The following NOS1 variants were observed in gnomAD, a reference collection of about 807,000 sequenced individuals.
The protein encoded by NOS1 is NOS type I.
A neutral mutation model predicts 164.5 loss-of-function variants in NOS1; 51 were observed. The observed-to-expected ratio is 0.31, with a 90% CI of 0.25 to 0.39. The LOEUF (loss-of-function observed/expected upper bound fraction) is 0.39. NOS1 is among the 10% of genes least tolerant of loss of function. The pLI is 1.00. For missense variants in NOS1, 1,362 were observed against 1,885.6 expected, an observed-to-expected ratio of 0.72 and a Z score of 5.14; for synonymous variants, 719 against 745.8, an observed-to-expected ratio of 0.96 and a Z score of 0.59.
chr12:117,301,386 C>A (rs1441149386), intron 3 of NOS1, among the ~76,000 whole-genome samples: 1 of 152,168 alleles, frequency 6.6e-6, no homozygotes, highest in Admixed American at 6.5e-5. Context: ...GCCTCTGCCT[C>A]CCAAAGTGCT....
intron 1 of NOS1, among the ~76,000 whole-genome samples, chr12:117,344,274 G>A (rs1876243643): frequency 6.6e-6 from 1 of 152,168 alleles, no homozygotes; most frequent in Admixed American, 6.5e-5. Context: ...TTAGCACCTA[G>A]TAAGCATGAA....
At chr12:117,310,449 A>C (rs1414957089) in intron 3 of NOS1, among the ~76,000 whole-genome samples, 1 of 152,234 alleles carries the variant, frequency 6.6e-6, no homozygotes, top group African/African-American at 2.4e-5. Flanking sequence ...AAAAAGCAAG[A>C]TATAAAACAA....
chr12:117,325,383 C>T (rs1450669877), intron 2 of NOS1, among the ~76,000 whole-genome samples: 2 of 152,058 alleles, frequency 1.3e-5, no homozygotes, highest in Non-Finnish European at 2.9e-5. Context: ...TTATTTCAGC[C>T]CCTAGGAGGC....
rs187888090 is a variant in NOS1 at position 117,213,735 on chromosome 12, A to T, written c.*1574T>A. ...AAGACACAACAAACAGGGTAGAACCAGCAGAACATTCCCTTTCCATCCTTG... is the reference window on the plus strand; with the variant it reads ...AAGACACAACAAACAGGGTAGAACCTGCAGAACATTCCCTTTCCATCCTTG... On this transcript the variant is annotated 3_prime_UTR_variant, in exon 29 of 29. Transcript: ENST00000317775. 1.0e-6 allele frequency: 1 copy of T among 985,474 alleles called. No homozygotes were observed. Among genetic ancestry groups the T allele is most frequent in the Admixed American group, 6.1e-5 (1 of 16,288 alleles). The allele number at this position is 985,474 out of a possible 1,614,324, so 61.0% of individuals were successfully genotyped here. A position where few individuals can be genotyped will look rare whatever the true frequency, so the allele number is the denominator to read the frequency against.
rs141290639 is a variant in NOS1, at chr12:117,347,727, C to T, written c.-421+13785G>A. 6.0e-3 allele frequency among the ~76,000 whole-genome samples: 918 copies of T among 152,290 alleles called. 8 individuals carry two copies. Among genetic ancestry groups the T allele is most frequent in the African/African-American group, 0.021 (868 of 41,566 alleles). On this transcript the variant is annotated intron_variant, in intron 1 of 28. Coordinates refer to ENST00000317775, the MANE Select transcript of NOS1 (RefSeq NM_000620.5). ...CACCTCCGCATGAGATCACAGCATC[C>T]ACCCCAGCTTGTGCCCTGGGGCTGA...
At chr12:117,286,353 G>A in intron 5 of NOS1, 87 bp from the exon 6 acceptor site, 1 of 1,424,014 alleles carries the variant, frequency 7.0e-7, no homozygotes. Flanking sequence ...CAAGAGGCTG[G>A]AAGCTACAAA....
chr12:117,269,464 G>GTTTTT lies in NOS1; in HGVS notation c.1840-1325_1840-1321dup, dbSNP rs1164630635. Among the ~76,000 whole-genome samples the GTTTTT allele has an allele frequency of 2.4e-4, 28 of 118,374 alleles. 1 individual carries two copies. The highest frequency in any genetic ancestry group is 3.3e-4 in the African/African-American group (9 of 27,434). 77.7% of individuals were successfully genotyped at this position (118,374 alleles called of 152,430 possible). On this transcript the variant is annotated intron_variant, in intron 10 of 28. Coordinates refer to ENST00000317775, the MANE Select transcript of NOS1 (RefSeq NM_000620.5). ...CAGGGGGCAGGATCTCTGGAGATTT[G>GTTTTT]TTTTTTTTTTTTTTTTTTTTTTAGA...
Position 117,208,414 on chromosome 12 carries a change from G to A in NOS1, c.*6895C>T. On this transcript the variant is annotated 3_prime_UTR_variant, in exon 29 of 29. Transcript: ENST00000317775. The stretch of plus-strand genomic sequence containing the variant: ...AGCGTGTGTGTGTGTGTGTGTGTGT[G>A]TGTGTGTGGTGAGATGCGACCAGGT... The A allele has an allele frequency of 7.8e-7, 1 of 1,286,662 alleles. No individual in the cohort carries two copies. The highest frequency in any genetic ancestry group is 1.0e-6 in the Non-Finnish European group (1 of 988,338). The allele number at this position is 1,286,662 out of a possible 1,614,324, so 79.7% of individuals were successfully genotyped here.
chr12:117,283,817 C>G (rs1221367534), intron 7 of NOS1, among the ~76,000 whole-genome samples: 1 of 126,282 alleles, frequency 7.9e-6, no homozygotes, highest in African/African-American at 3.0e-5. Flanking sequence ...GATTGTGCCA[C>G]TGTACTTCAA....
intron 2 of NOS1, among the ~76,000 whole-genome samples, chr12:117,325,202 C>T (rs2136069141): frequency 6.6e-6 from 1 of 152,290 alleles, no homozygotes; most frequent in South Asian, 2.1e-4. Flanking sequence ...CCCACCCCGA[C>T]ATGCAGCCTG....
chr12:117,283,855 CAAAAAAA>C lies in NOS1; in HGVS notation c.1382+1379_1382+1385del, dbSNP rs61448842. ...TGGGTAACAGAGCAAGACTCTGTCT[CAAAAAAA>C]AAAAAAAAAAAAAAAAGGAAATCCA... On this transcript the variant is annotated intron_variant, in intron 7 of 28. Coordinates refer to ENST00000317775, the MANE Select transcript of NOS1 (RefSeq NM_000620.5). Among the ~76,000 whole-genome samples, 9 of 63,714 alleles carry C rather than the reference CAAAAAAA, an allele frequency of 1.4e-4. 1 individual carries two copies. Among genetic ancestry groups the C allele is most frequent in the Middle Eastern group, 9.3e-3 (1 of 108 alleles). The allele number at this position is 63,714 out of a possible 152,430, so 41.8% of individuals were successfully genotyped here. A position where few individuals can be genotyped will look rare whatever the true frequency, so the allele number is the denominator to read the frequency against.
chr12:117,245,398 T>C (rs1360769915), intron 18 of NOS1, among the ~76,000 whole-genome samples: 1 of 152,152 alleles, frequency 6.6e-6, no homozygotes, highest in East Asian at 1.9e-4. Flanking sequence ...GCCAATAGGA[T>C]GTCTTATCAT....
Position 117,214,647 on chromosome 12 carries a change from A to G in NOS1, c.*662T>C. ...TCTCCCCATGCCCTGAACCCTTTCT[A>G]ACTAGAACAATTATGGGGCTTCCAA... On this transcript the variant is annotated 3_prime_UTR_variant, in exon 29 of 29. Transcript: ENST00000317775. The G allele has an allele frequency of 1.0e-6, 1 of 985,368 alleles. No homozygotes were observed. Among genetic ancestry groups the G allele is most frequent in the Non-Finnish European group, 1.2e-6 (1 of 829,930 alleles). 61.0% of individuals were successfully genotyped at this position (985,368 alleles called of 1,614,324 possible).
rs552073655 is a variant in NOS1, at chr12:117,209,911, G to A, written c.*5398C>T. ...GGGAACATCTATGTTGACTCCCTGGGAGGCAGGCCCCTTCCCTCAGACCCT... is the reference window on the plus strand; with the variant it reads ...GGGAACATCTATGTTGACTCCCTGGAAGGCAGGCCCCTTCCCTCAGACCCT... On this transcript the variant is annotated 3_prime_UTR_variant, in exon 29 of 29. Coordinates refer to ENST00000317775, the MANE Select transcript of NOS1 (RefSeq NM_000620.5). 4.9e-4 allele frequency: 486 copies of A among 985,406 alleles called. No homozygotes were observed. The highest frequency in any genetic ancestry group is 5.2e-4 in the Non-Finnish European group (433 of 829,998). The allele number at this position is 985,406 out of a possible 1,614,324, so 61.0% of individuals were successfully genotyped here.
intron 3 of NOS1, among the ~76,000 whole-genome samples, chr12:117,307,389 C>T (rs751855758): frequency 3.9e-5 from 6 of 152,074 alleles, no homozygotes; most frequent in African/African-American, 9.7e-5. Context: ...GAGACAGGTT[C>T]TTGCTCTGTC....
chr12:117,290,159 A>C (rs1872952297), intron 4 of NOS1, 139 bp downstream of exon 4: 2 of 973,804 alleles, frequency 2.1e-6, no homozygotes, highest in South Asian at 1.8e-5. Flanking sequence ...GCGTACTGAC[A>C]TCTAGGGGGT....
chr12:117,246,042 CA>C (rs771489480), intron 18 of NOS1: 2 of 155,752 alleles, frequency 1.3e-5, no homozygotes, highest in Non-Finnish European at 2.9e-5. Flanking sequence ...TGGCTTTTAT[CA>C]TTCCTGATAT....
chr12:117,220,447 A>T (rs1443047076), intron 26 of NOS1, among the ~76,000 whole-genome samples, 178 bp from the exon 27 acceptor site: 1 of 152,196 alleles, frequency 6.6e-6, no homozygotes, highest in African/African-American at 2.4e-5. Flanking sequence ...AGAAGGCGGG[A>T]AAGTCAATTG....
chr12:117,211,444 T>C lies in NOS1; in HGVS notation c.*3865A>G, dbSNP rs558351742. The stretch of plus-strand genomic sequence containing the variant: ...GCTCTGTACTGTGGCCAGAACTTTC[T>C]TTTCCAAGTATAACTCCAATCGCCT... On this transcript the variant is annotated 3_prime_UTR_variant, in exon 29 of 29. Transcript: ENST00000317775. 1.6e-4 allele frequency: 161 copies of C among 985,374 alleles called. 2 individuals are homozygous for C. The South Asian group carries it at 6.6e-3, about 41-fold the overall frequency. The allele number at this position is 985,374 out of a possible 1,614,324, so 61.0% of individuals were successfully genotyped here. A position where few individuals can be genotyped will look rare whatever the true frequency, so the allele number is the denominator to read the frequency against.
Sources: gnomAD v4.1 joint callset for allele counts (sites outside exome capture counted in the v4.1 genomes callset) on GRCh38, gnomAD v4.1.1 for gene constraint, MANE v1.5 for transcripts, NCBI Gene and HGNC (gene_info 2026-07-23, HGNC 2026-07-21) for gene names.